Variants in PCDHA1 observed in about 807,000 individuals in gnomAD.
PCDHA1 encodes the protein protocadherin alpha 1.
In PCDHA1, 42 loss-of-function variants were observed where a neutral mutation model predicts 61.3. The ratio of observed to expected loss-of-function variants is 0.69; its 90% CI spans 0.54 to 0.89. PCDHA1 has a LOEUF of 0.89. PCDHA1 is among the 40% of genes least tolerant of loss of function. The pLI, the probability that PCDHA1 is intolerant of heterozygous loss-of-function variation, is 0.00. For missense variants in PCDHA1, 1,256 were observed against 1,235.3 expected (o/e 1.02, Z -0.25); for synonymous variants, 610 against 553.8 (o/e 1.10, Z -1.43).
chr5:140,895,500 G>A (rs1554186539), intron 1 of PCDHA1, among the ~76,000 whole-genome samples: 2 of 152,046 alleles, frequency 1.3e-5, no homozygotes, highest in African/African-American at 2.4e-5. Context: ...CAGAACTTTT[G>A]CCCAATTTTT....
intron 1 of PCDHA1, chr5:140,929,360 C>T (rs781864515): frequency 6.6e-7 from 1 of 1,519,748 alleles, no homozygotes; most frequent in Admixed American, 2.2e-5. Context: ...TTCCTTTGGC[C>T]CGGAGATGGC....
chr5:141,000,005 C>T (rs2097888446), intron 3 of PCDHA1, among the ~76,000 whole-genome samples: 1 of 152,024 alleles, frequency 6.6e-6, no homozygotes. Context: ...ATTAGATTGG[C>T]CTCCCCATTG....
At chr5:140,883,830 A>G in intron 1 of PCDHA1, 5 of 1,612,532 alleles carry the variant, frequency 3.1e-6, no homozygotes, top group Non-Finnish European at 4.2e-6. Context: ...TACGCGCTGC[A>G]GCCGTTGGAC....
intron 1 of PCDHA1, among the ~76,000 whole-genome samples, chr5:140,936,259 T>A (rs1327533719): frequency 6.6e-6 from 1 of 152,228 alleles, no homozygotes; most frequent in African/African-American, 2.4e-5. Context: ...CTTCAAGTCA[T>A]GAAGATATAT....
At chr5:140,997,098 C>T (rs1328956245) in intron 3 of PCDHA1, among the ~76,000 whole-genome samples, 12 of 152,128 alleles carry the variant, frequency 7.9e-5, no homozygotes, top group Admixed American at 5.2e-4. Context: ...GCAGAGTTCT[C>T]ATGCACTCCT....
chr5:140,934,705 C>T (rs1235956763), intron 1 of PCDHA1, among the ~76,000 whole-genome samples: 8 of 152,132 alleles, frequency 5.3e-5, no homozygotes, highest in African/African-American at 1.9e-4. Flanking sequence ...TCCTGGCCAT[C>T]TTACAAAAAG....
At chr5:140,936,153 A>G (rs539421853) in intron 1 of PCDHA1, among the ~76,000 whole-genome samples, 1 of 152,284 alleles carries the variant, frequency 6.6e-6, no homozygotes, top group Admixed American at 6.5e-5. Flanking sequence ...TTGGCCTCCT[A>G]AAGTGCTGGG....
At chr5:140,906,487 CA>C (rs1346198597) in intron 1 of PCDHA1, among the ~76,000 whole-genome samples, 1 of 152,180 alleles carries the variant, frequency 6.6e-6, no homozygotes, top group Non-Finnish European at 1.5e-5. Context: ...TATAAATGCA[CA>C]AACATGTTTT....
At position 141,009,666 on chromosome 5, in the gene PCDHA1, G is replaced by T; in HGVS notation, c.2582G>T (p.Gly861Val). Residue 861 changes from glycine to valine, a missense_variant, in exon 4 of 4, where the codon GGT becomes GTT. Physicochemically the swap from Gly to Val is moderately radical, Grantham distance 109. Coordinates refer to ENST00000504120, the MANE Select transcript of PCDHA1 (RefSeq NM_018900.4). ...GAAGTGTCCCCTCCAGTCGGTGCGG[G>T]TGTCAACAGCAACAGCTGGACCTTT... ...AGEVSPPVGAGVNSNSWTFKY... is the reference protein window; with the variant it reads ...AGEVSPPVGAVVNSNSWTFKY... The T allele has an allele frequency of 1.2e-6, 2 of 1,614,080 alleles. No individual in the cohort carries two copies. The highest frequency in any genetic ancestry group is 1.7e-6 in the Non-Finnish European group (2 of 1,180,022).
chr5:140,943,257 C>CAA lies in PCDHA1; in HGVS notation c.2395-35673_2395-35672dup, dbSNP rs1238620023. Reference sequence around the variant, plus strand: ...TGGGTCACAGAGTGAGACTCTGTCTCAAAAAAAAAAAAAAAAAAAAGAAAG... The same window carrying CAA: ...TGGGTCACAGAGTGAGACTCTGTCTCAAAAAAAAAAAAAAAAAAAAAAGAAAG... On this transcript the variant is annotated intron_variant, in intron 1 of 3. Transcript: ENST00000504120. Among the ~76,000 whole-genome samples the CAA allele has an allele frequency of 2.6e-3, 203 of 77,270 alleles. 1 individual carries two copies. Among genetic ancestry groups the CAA allele is most frequent in the African/African-American group, 9.8e-3 (185 of 18,826 alleles). The allele number at this position is 77,270 out of a possible 152,430, so 50.7% of individuals were successfully genotyped here. A position where few individuals can be genotyped will look rare whatever the true frequency, so the allele number is the denominator to read the frequency against.
At chr5:140,865,937 T>A (rs529378074) in intron 1 of PCDHA1, 1 of 152,330 alleles carries the variant, frequency 6.6e-6, no homozygotes, top group South Asian at 2.1e-4. Context: ...AGAAACTTCA[T>A]GATTGTCTTC....
intron 1 of PCDHA1, among the ~76,000 whole-genome samples, chr5:140,922,161 A>C (rs1381544563): frequency 1.4e-5 from 2 of 147,172 alleles, no homozygotes; most frequent in African/African-American, 2.5e-5. Flanking sequence ...CAAAAACAAC[A>C]AAAAGTACAG....
In PCDHA1 at chr5:140,856,944, G is replaced by C. The variant is rs1424566635; in HGVS notation, c.2394+68260G>C. Reference sequence around the variant, plus strand: ...AAATTTTGGATAAACGAAAGGACGGGAGAAATAAAAGTAAATGATGCTATT... The same window carrying C: ...AAATTTTGGATAAACGAAAGGACGGCAGAAATAAAAGTAAATGATGCTATT... On this transcript the variant is annotated intron_variant, in intron 1 of 3. Transcript: ENST00000504120. 8.8e-6 allele frequency: 14 copies of C among 1,593,558 alleles called. 1 individual carries two copies. The highest frequency in any genetic ancestry group is 1.3e-5 in the African/African-American group (1 of 74,212).
At chr5:140,861,401 G>T in intron 1 of PCDHA1, 1 of 465,630 alleles carries the variant, frequency 2.1e-6, no homozygotes, top group Non-Finnish European at 4.4e-6. Flanking sequence ...TGGAGCTTGT[G>T]GAGCTGATAC....
At chr5:140,967,784 C>T in intron 1 of PCDHA1, 3 of 1,614,174 alleles carry the variant, frequency 1.9e-6, no homozygotes, top group South Asian at 1.1e-5. Context: ...GGCGACTGAC[C>T]GGGGTCCAGT....
chr5:140,856,225 G>C (rs1554148421), intron 1 of PCDHA1: 1 of 1,598,066 alleles, frequency 6.3e-7, no homozygotes, highest in Admixed American at 1.7e-5. Context: ...CGGAGCTGGT[G>C]CAGCGCCTGT....
chr5:140,886,159 C>T (rs1006053368), intron 1 of PCDHA1, among the ~76,000 whole-genome samples: 16 of 152,164 alleles, frequency 1.1e-4, no homozygotes, highest in Non-Finnish European at 2.1e-4. Flanking sequence ...TTTTTATAGC[C>T]ACATCTGCTT....
At chr5:140,982,380 C>A in intron 2 of PCDHA1, 95 bp from the exon 3 acceptor site, 1 of 1,577,206 alleles carries the variant, frequency 6.3e-7, no homozygotes, top group South Asian at 1.2e-5. Context: ...AGCTGCAGCC[C>A]TGGCTTCATA....
intron 1 of PCDHA1, chr5:140,927,075 C>A (rs1304732952): frequency 1.9e-6 from 3 of 1,611,070 alleles, no homozygotes; most frequent in Non-Finnish European, 2.5e-6. Context: ...TTTCCAGCCA[C>A]CGCGAGCTCT....
Sources: gnomAD v4.1 joint callset for allele counts (sites outside exome capture counted in the v4.1 genomes callset) on GRCh38, gnomAD v4.1.1 for gene constraint, MANE v1.5 for transcripts, NCBI Gene and HGNC (gene_info 2026-07-23, HGNC 2026-07-21) for gene names.